CTNNA3: variants seen among roughly 807,000 people sequenced by gnomAD.
CTNNA3 encodes catenin alpha-3.
CTNNA3 carries 76 observed loss-of-function variants against 95.7 expected under a neutral mutation model. That is an observed-to-expected ratio of 0.79 (90% CI 0.66 to 0.96). The LOEUF is 0.96. Among genes scored for constraint, CTNNA3 ranks in the 40% least tolerant of loss-of-function variants. CTNNA3 has a pLI of 0.00. For synonymous variants in CTNNA3, 431 were observed against 374.4 expected (o/e 1.15, Z -1.74); for missense variants, 1,191 against 1,089.8 (o/e 1.09, Z -1.31).
At chr10:66,396,770 A>G (rs2092981245) in intron 11 of CTNNA3, among the ~76,000 whole-genome samples, 1 of 151,972 alleles carries the variant, frequency 6.6e-6, no homozygotes, top group Admixed American at 6.6e-5. Flanking sequence ...TCTAATAAAG[A>G]AGATGCTTTT....
intron 11 of CTNNA3, among the ~76,000 whole-genome samples, chr10:66,419,640 T>C (rs1006655524): frequency 3.3e-5 from 5 of 152,174 alleles, no homozygotes; most frequent in Admixed American, 6.5e-5. Flanking sequence ...CTTCAAATTA[T>C]ATTACAGGGC....
At chr10:66,117,271 C>A (rs2082381157) in intron 13 of CTNNA3, among the ~76,000 whole-genome samples, 1 of 152,038 alleles carries the variant, frequency 6.6e-6, no homozygotes, top group African/African-American at 2.4e-5. Context: ...TGTTATGCCT[C>A]AATGCTGTCA....
chr10:67,058,888 C>G (rs1458884194), intron 7 of CTNNA3, among the ~76,000 whole-genome samples: 3 of 152,136 alleles, frequency 2.0e-5, no homozygotes, highest in African/African-American at 7.2e-5. Flanking sequence ...CTTAGTATGA[C>G]TACACCTGCC....
intron 4 of CTNNA3, among the ~76,000 whole-genome samples, chr10:67,537,642 G>A (rs907645049): frequency 2.0e-5 from 3 of 152,026 alleles, no homozygotes; most frequent in African/African-American, 7.2e-5. Context: ...GGTTATGAAG[G>A]TGGCAATTTT....
At chr10:67,611,562 C>T (rs962056230) in intron 2 of CTNNA3, among the ~76,000 whole-genome samples, 4 of 152,040 alleles carry the variant, frequency 2.6e-5, no homozygotes, top group Admixed American at 6.5e-5. Context: ...ATGATCCGCC[C>T]GCCTCAGCCT....
chr10:66,686,706 G>A (rs972375893), intron 9 of CTNNA3, among the ~76,000 whole-genome samples: 2 of 152,084 alleles, frequency 1.3e-5, no homozygotes, highest in Admixed American at 6.6e-5. Context: ...GAATGTTCTT[G>A]AAGCAACAGG....
At chr10:66,766,174 A>C (rs983179673) in intron 9 of CTNNA3, 90 bp downstream of exon 9, 21 of 1,363,998 alleles carry the variant, frequency 1.5e-5, no homozygotes, top group African/African-American at 4.3e-5. Context: ...CGGTGTCAAA[A>C]GTTTTTATTT....
chr10:66,270,808 G>A (rs1187092498), intron 13 of CTNNA3, among the ~76,000 whole-genome samples: 1 of 152,150 alleles, frequency 6.6e-6, no homozygotes, highest in Non-Finnish European at 1.5e-5. Context: ...AGCACAGTAA[G>A]TGGACAGATG....
chr10:65,995,731 A>T (rs1278877264), intron 15 of CTNNA3, among the ~76,000 whole-genome samples: 1 of 152,162 alleles, frequency 6.6e-6, no homozygotes, highest in East Asian at 1.9e-4. Flanking sequence ...TGACAGGACA[A>T]CCCCATGGGC....
At chr10:66,121,131 C>G (rs2082555301) in intron 13 of CTNNA3, among the ~76,000 whole-genome samples, 1 of 152,158 alleles carries the variant, frequency 6.6e-6, no homozygotes, top group African/African-American at 2.4e-5. Flanking sequence ...TCTCTCAAAC[C>G]AGTGATCAGA....
chr10:67,100,285 G>C (rs1399797731), intron 7 of CTNNA3, among the ~76,000 whole-genome samples: 1 of 151,556 alleles, frequency 6.6e-6, no homozygotes, highest in Admixed American at 6.6e-5. Flanking sequence ...TGCAACCAAG[G>C]CCCTAAGCTA....
intron 5 of CTNNA3, among the ~76,000 whole-genome samples, chr10:67,307,862 C>A (rs1357350488): frequency 6.6e-6 from 1 of 151,942 alleles, no homozygotes; most frequent in Non-Finnish European, 1.5e-5. Context: ...TTTCATCACT[C>A]GGGACCTATA....
At chr10:66,875,757 G>A (rs766430342) in intron 7 of CTNNA3, among the ~76,000 whole-genome samples, 13 of 152,108 alleles carry the variant, frequency 8.5e-5, no homozygotes, top group Non-Finnish European at 1.2e-4. Flanking sequence ...ATGACAATCC[G>A]ATTCATGCAA....
intron 13 of CTNNA3, among the ~76,000 whole-genome samples, chr10:66,221,042 A>G (rs927655466): frequency 4.6e-5 from 7 of 152,320 alleles, no homozygotes; most frequent in African/African-American, 1.4e-4. Context: ...CCCTCTGTCC[A>G]TATCACTTTT....
At chr10:66,775,771 C>T (rs183751323) in intron 7 of CTNNA3, among the ~76,000 whole-genome samples, 18 of 152,258 alleles carry the variant, frequency 1.2e-4, no homozygotes, top group Admixed American at 1.1e-3. Flanking sequence ...TTCAGTGTGA[C>T]AATAGGCAGA....
intron 13 of CTNNA3, among the ~76,000 whole-genome samples, chr10:66,208,136 T>C (rs567583377): frequency 5.9e-5 from 9 of 152,184 alleles, no homozygotes; most frequent in African/African-American, 1.9e-4. Flanking sequence ...AGGCAATAGA[T>C]GAGGCTCAGG....
In CTNNA3 at chr10:66,938,066, T is replaced by C. The variant is rs557752343; in HGVS notation, c.1048-162542A>G. On this transcript the variant is annotated intron_variant, in intron 7 of 17. Coordinates refer to ENST00000433211, the MANE Select transcript of CTNNA3 (RefSeq NM_013266.4). ...TGTTGTTGAATTGATTTTCTGGTCA[T>C]TATTATGAAGTTATTATTGCAAACA... Among the ~76,000 whole-genome samples the C allele has an allele frequency of 7.2e-5, 11 of 152,326 alleles. No homozygotes were observed. In the South Asian group the frequency reaches 2.1e-3, roughly 29 times the overall value.
chr10:66,904,486 A>G (rs10740262), intron 7 of CTNNA3, among the ~76,000 whole-genome samples: 134,261 of 152,202 alleles, frequency 0.88, 59,441 homozygotes, highest in East Asian at 0.99. Flanking sequence ...AACACCAAAA[A>G]CAATGGCAAC....
At chr10:66,978,552 A>AAAATATATATATATATAT in intron 7 of CTNNA3, among the ~76,000 whole-genome samples, 30 of 37,886 alleles carry the variant, frequency 7.9e-4, no homozygotes, top group African/African-American at 1.2e-3. Flanking sequence ...AAAAAAAAAA[A>AAAATATATATATATATAT]ATATATATAT....
Sources: allele counts gnomAD v4.1 joint callset (sites outside exome capture counted in the v4.1 genomes callset), GRCh38; gene constraint gnomAD v4.1.1; transcripts MANE v1.5; gene names NCBI Gene and HGNC (gene_info 2026-07-23, HGNC 2026-07-21).